Variants in NT5DC3 observed in about 807,000 individuals in gnomAD.
The protein encoded by NT5DC3 is 5'-nucleotidase domain-containing protein 3.
A neutral mutation model predicts 67.8 loss-of-function variants in NT5DC3; 42 were observed. The observed-to-expected ratio is 0.62, with a 90% confidence interval of 0.48 to 0.80. NT5DC3 has a LOEUF of 0.80. NT5DC3 is among the 30% of genes least tolerant of loss of function. The pLI is 0.00. For missense variants in NT5DC3, 570 were observed against 696.4 expected (o/e 0.82, Z 2.04); for synonymous variants, 237 against 255.6 (o/e 0.93, Z 0.69).
chr12:103,761,451 C>T, the NT5DC3 span: 1 of 1,560,422 alleles, frequency 6.4e-7, no homozygotes, highest in East Asian at 2.2e-5. Context: ...AGGAGGAGCC[C>T]CGGTGCCCAC....
At chr12:103,750,736 G>A in the NT5DC3 span, 3 of 1,604,608 alleles carry the variant, frequency 1.9e-6, no homozygotes, top group African/African-American at 1.3e-5. Flanking sequence ...TGTGACCAGG[G>A]CCTATGGCCC....
At chr12:103,792,713 G>A (rs151205594) in intron 9 of NT5DC3, among the ~76,000 whole-genome samples, 11 of 152,168 alleles carry the variant, frequency 7.2e-5, no homozygotes, top group Non-Finnish European at 1.2e-4. Context: ...TTTACTGCAC[G>A]TGATGCAAAA....
rs1456456660 is a variant in NT5DC3 at position 103,774,386 on chromosome 12, G to C, written c.*3443C>G. On this transcript the variant is annotated 3_prime_UTR_variant, in exon 14 of 14. Transcript: ENST00000392876. The stretch of plus-strand genomic sequence containing the variant: ...ACCCAGTGCAGTGTGCCAGATCCCA[G>C]TTGAGTCATGATAGGCTGGGCACGG... 1 of 152,240 alleles carries C rather than the reference G, an allele frequency of 6.6e-6. No homozygotes were observed. The highest frequency in any genetic ancestry group is 1.5e-5 in the Non-Finnish European group (1 of 68,080). 9.4% of individuals were successfully genotyped at this position (152,240 alleles called of 1,614,324 possible). A position where few individuals can be genotyped will look rare whatever the true frequency, so the allele number is the denominator to read the frequency against.
intron 1 of NT5DC3, among the ~76,000 whole-genome samples, chr12:103,816,363 G>A (rs931347127): frequency 5.9e-5 from 9 of 152,202 alleles, no homozygotes; most frequent in East Asian, 1.9e-4. Context: ...TAGATTTTCA[G>A]ATCAGGTATG....
At chr12:103,822,976 A>T (rs1034549475) in intron 1 of NT5DC3, among the ~76,000 whole-genome samples, 1 of 152,182 alleles carries the variant, frequency 6.6e-6, no homozygotes, top group African/African-American at 2.4e-5. Flanking sequence ...AAACCCTACT[A>T]TGTTAGCAAG....
chr12:103,778,129 C>T (rs774031649), intron 13 of NT5DC3, 48 bp from the exon 14 acceptor site: 3 of 1,536,204 alleles, frequency 2.0e-6, no homozygotes, highest in East Asian at 2.3e-5. Flanking sequence ...ATTCAAAAAT[C>T]CTTGTTTTTA....
chr12:103,763,821 T>C, the NT5DC3 span: 1 of 470,856 alleles, frequency 2.1e-6, no homozygotes, highest in Non-Finnish European at 3.8e-6. Context: ...GCAGAATCCT[T>C]GAACAAACAG....
chr12:103,806,173 G>T, intron 4 of NT5DC3, 149 bp downstream of exon 4: 2 of 645,000 alleles, frequency 3.1e-6, no homozygotes, highest in Non-Finnish European at 5.7e-6. Flanking sequence ...CATGGTAGCA[G>T]GCCTCAACAA....
At chr12:103,754,212 C>T in the NT5DC3 span, among the ~76,000 whole-genome samples, 1 of 152,070 alleles carries the variant, frequency 6.6e-6, no homozygotes, top group Non-Finnish European at 1.5e-5. Context: ...TGAATCTCTG[C>T]TCTCCTGCTT....
At chr12:103,797,136 A>G (rs1394986475) in intron 5 of NT5DC3, 105 bp from the exon 6 acceptor site, 2 of 1,193,982 alleles carry the variant, frequency 1.7e-6, no homozygotes, top group Non-Finnish European at 2.4e-6. Flanking sequence ...ACTAAACGAG[A>G]TCCCATCATC....
the NT5DC3 span, chr12:103,746,737 G>C: frequency 6.2e-7 from 1 of 1,606,456 alleles, no homozygotes; most frequent in Non-Finnish European, 8.5e-7. Context: ...TGAAATAGCA[G>C]CATGGTGTGG....
At position 103,777,948 on chromosome 12, in the gene NT5DC3, A is replaced by G; in HGVS notation, c.1528T>C (p.Tyr510His). The G allele has an allele frequency of 1.9e-6, 3 of 1,614,208 alleles. No homozygotes were observed. Among genetic ancestry groups the G allele is most frequent in the Non-Finnish European group, 2.5e-6 (3 of 1,180,042 alleles). ...YMASLSCLLN[Y>H]DVSHTFYPRR... Reference sequence around the variant, plus strand: ...GGGTAGAAAGTGTGGCTGACGTCATAGTTCAGGAGGCAGCTCAGAGACGCC... The same window carrying G: ...GGGTAGAAAGTGTGGCTGACGTCATGGTTCAGGAGGCAGCTCAGAGACGCC... Residue 510 changes from tyrosine (Y) to histidine (H), a missense_variant, in exon 14 of 14, where the codon TAT (tyrosine) becomes CAT (histidine). Tyr to His is a moderately conservative substitution (Grantham distance 83). Around this residue, in one of 2 missense-constraint regions of NT5DC3, gnomAD observed 466 missense variants for 608.0 expected, o/e 0.77. Transcript: ENST00000392876.
At chr12:103,762,774 C>T in the NT5DC3 span, among the ~76,000 whole-genome samples, 40,858 of 152,080 alleles carry the variant, frequency 0.27, 5,805 homozygotes, top group South Asian at 0.47. Context: ...GCTTCAAGAC[C>T]GGCTCTGAGA....
intron 2 of NT5DC3, among the ~76,000 whole-genome samples, chr12:103,812,680 AACAG>A (rs1427445545): frequency 7.2e-5 from 11 of 152,154 alleles, no homozygotes; most frequent in Non-Finnish European, 1.2e-4. Context: ...GTCCTTTGGA[AACAG>A]ACAGACTTGA....
the NT5DC3 span, among the ~76,000 whole-genome samples, chr12:103,746,949 C>CTTTTT: frequency 6.2e-5 from 6 of 96,068 alleles, no homozygotes; most frequent in Admixed American, 1.2e-4. Context: ...GTTTTTCTTT[C>CTTTTT]TTTTTTTTTT....
rs1248356389 is a variant in NT5DC3, at chr12:103,807,040, T to C, written c.394-111A>G. 5 of 675,542 alleles carry C rather than the reference T, an allele frequency of 7.4e-6. No homozygotes were observed. In the East Asian group the frequency reaches 1.1e-4, roughly 14 times the overall value. The allele number at this position is 675,542 out of a possible 1,614,324, so 41.8% of individuals were successfully genotyped here. A position where few individuals can be genotyped will look rare whatever the true frequency, so the allele number is the denominator to read the frequency against. On this transcript the variant is annotated intron_variant, in intron 2 of 13. Coordinates refer to ENST00000392876, the MANE Select transcript of NT5DC3 (RefSeq NM_001031701.3). Reference sequence around the variant, plus strand: ...AGGTAGTTGATACACCAGTGGGAGGTTGGGGTCAGAAGGGGCAGACCACAG... The same window carrying C: ...AGGTAGTTGATACACCAGTGGGAGGCTGGGGTCAGAAGGGGCAGACCACAG...
At chr12:103,801,372 C>CCTTTTTTTTTTTTTT (rs1886567309) in intron 4 of NT5DC3, among the ~76,000 whole-genome samples, 6 of 78,940 alleles carry the variant, frequency 7.6e-5, no homozygotes, top group African/African-American at 3.3e-4. Flanking sequence ...TTGGGGTGGG[C>CCTTTTTTTTTTTTTT]TTTTTTTTTT....
rs183177071 is a variant in NT5DC3, at chr12:103,814,513, C to T, written c.393+424G>A. Reference sequence around the variant, plus strand: ...TCATTAAAAACTCTCAACAATACTACGTATCAGAAGAAAGACATTCAAATA... The same window carrying T: ...TCATTAAAAACTCTCAACAATACTATGTATCAGAAGAAAGACATTCAAATA... On this transcript the variant is annotated intron_variant, in intron 2 of 13. Coordinates refer to ENST00000392876, the MANE Select transcript of NT5DC3 (RefSeq NM_001031701.3). 3.6e-4 allele frequency among the ~76,000 whole-genome samples: 55 copies of T among 152,270 alleles called. 1 individual carries two copies. Among genetic ancestry groups the T allele is most frequent in the African/African-American group, 1.2e-3 (50 of 41,560 alleles).
At chr12:103,800,134 C>T (rs115993740) in intron 4 of NT5DC3, among the ~76,000 whole-genome samples, 307 of 152,304 alleles carry the variant, frequency 2.0e-3, no homozygotes, top group African/African-American at 7.1e-3. Flanking sequence ...AACCTATGTA[C>T]GATATCATTT....
Sources: gnomAD v4.1 joint callset for allele counts (sites outside exome capture counted in the v4.1 genomes callset) on GRCh38, gnomAD v4.1.1 for gene constraint, gnomAD v4.1.1 regional missense constraint, MANE v1.5 for transcripts, NCBI Gene and HGNC (gene_info 2026-07-23, HGNC 2026-07-21) for gene names.